TLE4: variants seen among roughly 807,000 people sequenced by gnomAD.
TLE4 encodes transducin-like enhancer protein 4.
In TLE4, 8 loss-of-function variants were observed where a neutral mutation model predicts 92.8. That is an observed-to-expected ratio of 0.09 (90% CI 0.05 to 0.16). TLE4 has a LOEUF of 0.16. TLE4 is among the 10% of genes least tolerant of loss of function. TLE4 has a pLI of 1.00. For missense variants in TLE4, 675 were observed against 997.6 expected, an observed-to-expected ratio of 0.68 and a Z score of 4.36; for synonymous variants, 371 against 374.1, an observed-to-expected ratio of 0.99 and a Z score of 0.10.
intron 8 of TLE4, among the ~76,000 whole-genome samples, chr9:79,666,221 T>TG (rs71364426): frequency 0.67 from 74,105 of 111,098 alleles, 24,271 homozygotes; most frequent in East Asian, 0.84. Flanking sequence ...TTTTTTGTTT[T>TG]TTTTTTTTTT....
At chr9:79,633,180 G>C (rs2133740450) in intron 6 of TLE4, among the ~76,000 whole-genome samples, 1 of 152,178 alleles carries the variant, frequency 6.6e-6, no homozygotes, top group South Asian at 2.1e-4. Flanking sequence ...TCATAACAAA[G>C]ACTCTCATAT....
chr9:79,643,752 G>T (rs2057594670), intron 6 of TLE4, among the ~76,000 whole-genome samples: 1 of 152,180 alleles, frequency 6.6e-6, no homozygotes. Context: ...TGGGCACTAT[G>T]AATAACCTGT....
intron 4 of TLE4, among the ~76,000 whole-genome samples, chr9:79,603,703 C>T (rs1160391664): frequency 6.6e-6 from 1 of 152,070 alleles, no homozygotes; most frequent in East Asian, 1.9e-4. Flanking sequence ...CTTGTGTATG[C>T]CTGTATTCCC....
At chr9:79,612,974 A>G (rs945543057) in intron 5 of TLE4, among the ~76,000 whole-genome samples, 2 of 152,148 alleles carry the variant, frequency 1.3e-5, no homozygotes, top group Admixed American at 6.6e-5. Flanking sequence ...ATATTTTGCT[A>G]TCTTTGTCGT....
At chr9:79,652,856 G>T in intron 7 of TLE4, 62 bp downstream of exon 7, 1 of 1,503,208 alleles carries the variant, frequency 6.7e-7, no homozygotes, top group Non-Finnish European at 9.2e-7. Context: ...GGTAGGTTCT[G>T]GATGCTATTG....
Position 79,709,677 on chromosome 9 carries a change from A to T in TLE4, c.1318A>T (p.Thr440Ser), listed in dbSNP as rs201703349. Residue 440 changes from threonine (T) to serine (S), a missense_variant, in exon 14 of 20, where the codon ACA becomes TCA. This residue lies in a region of TLE4 where 119 missense variants were observed against 175.9 expected (regional missense o/e 0.68). Coordinates refer to ENST00000376552, the MANE Select transcript of TLE4 (RefSeq NM_007005.6). ...TGTGCCAGCAATACCTCCAAACCTG[A>T]CAGGCATTCCAGGAGGAAAACCGTG... ...MRVPAIPPNL[T>S]GIPGGKPAYS... is the part of the protein sequence containing the mutation. The T allele has an allele frequency of 6.2e-7, 1 of 1,614,112 alleles. No homozygotes were observed.
At chr9:79,649,163 A>C (rs1424524053) in intron 6 of TLE4, among the ~76,000 whole-genome samples, 3 of 152,048 alleles carry the variant, frequency 2.0e-5, no homozygotes, top group African/African-American at 7.2e-5. Flanking sequence ...AGGTCTAAGG[A>C]GTAAGTGTGT....
intron 4 of TLE4, among the ~76,000 whole-genome samples, chr9:79,608,281 T>C (rs562219201): frequency 1.3e-5 from 2 of 152,232 alleles, no homozygotes; most frequent in African/African-American, 4.8e-5. Flanking sequence ...ATTAGTCCTC[T>C]GACTTTTTAA....
intron 4 of TLE4, among the ~76,000 whole-genome samples, chr9:79,605,071 G>T (rs1014852122): frequency 6.6e-6 from 1 of 152,026 alleles, no homozygotes; most frequent in African/African-American, 2.4e-5. Flanking sequence ...TGTAAAGCAG[G>T]CAGCTGGCAA....
At chr9:79,723,502 G>A (rs1190774284) in intron 19 of TLE4, among the ~76,000 whole-genome samples, 3 of 152,086 alleles carry the variant, frequency 2.0e-5, no homozygotes, top group Admixed American at 6.6e-5. Flanking sequence ...TGACTCAGTG[G>A]AACTTTGTAT....
intron 4 of TLE4, among the ~76,000 whole-genome samples, chr9:79,584,503 C>T (rs565449233): frequency 6.6e-6 from 1 of 152,310 alleles, no homozygotes; most frequent in Non-Finnish European, 1.5e-5. Flanking sequence ...TCCTGTCTCT[C>T]TCTCGTGCTA....
chr9:79,601,154 C>G (rs1288047025), intron 4 of TLE4, among the ~76,000 whole-genome samples: 1 of 152,132 alleles, frequency 6.6e-6, no homozygotes, highest in South Asian at 2.1e-4. Context: ...AGATAGGAAG[C>G]TTTAATCATT....
intron 3 of TLE4, among the ~76,000 whole-genome samples, chr9:79,575,439 T>A (rs1432926216): frequency 1.3e-5 from 2 of 152,214 alleles, no homozygotes; most frequent in Non-Finnish European, 2.9e-5. Flanking sequence ...CTCTTTATGT[T>A]ACTATTACAT....
chr9:79,636,352 T>A (rs2055831810), intron 6 of TLE4, among the ~76,000 whole-genome samples: 1 of 152,148 alleles, frequency 6.6e-6, no homozygotes, highest in East Asian at 1.9e-4. Flanking sequence ...CCCCTTTTAT[T>A]TAGAAAAAGG....
chr9:79,634,726 A>G (rs1003295206), intron 6 of TLE4, among the ~76,000 whole-genome samples: 4 of 152,272 alleles, frequency 2.6e-5, no homozygotes, highest in South Asian at 2.1e-4. Context: ...TGACAATGTC[A>G]TGTAAATGGA....
intron 5 of TLE4, among the ~76,000 whole-genome samples, chr9:79,620,713 T>C (rs1473525951): frequency 6.6e-6 from 1 of 152,216 alleles, no homozygotes; most frequent in Non-Finnish European, 1.5e-5. Context: ...TGGGCTGTTC[T>C]TGCATTGCTA....
intron 6 of TLE4, among the ~76,000 whole-genome samples, chr9:79,628,908 G>GTGTA (rs1554722966): frequency 9.8e-5 from 14 of 142,654 alleles, no homozygotes; most frequent in African/African-American, 3.1e-4. Context: ...GTGTGTGTGT[G>GTGTA]TATATGTATA....
At chr9:79,629,733 A>G (rs547173543) in intron 6 of TLE4, among the ~76,000 whole-genome samples, 3 of 152,186 alleles carry the variant, frequency 2.0e-5, no homozygotes, top group Non-Finnish European at 4.4e-5. Flanking sequence ...AACAAACCCA[A>G]CAGTTTTAGA....
chr9:79,622,052 T>G (rs1224986538), intron 5 of TLE4, among the ~76,000 whole-genome samples: 1 of 152,242 alleles, frequency 6.6e-6, no homozygotes, highest in African/African-American at 2.4e-5. Flanking sequence ...TAAAATTTTT[T>G]AATAACATCT....
Sources: allele counts gnomAD v4.1 joint callset (sites outside exome capture counted in the v4.1 genomes callset), GRCh38; gene constraint gnomAD v4.1.1; regional missense constraint gnomAD v4.1.1; transcripts MANE v1.5; gene names NCBI Gene and HGNC (gene_info 2026-07-23, HGNC 2026-07-21).